NT5C2: variants seen among roughly 807,000 people sequenced by gnomAD.
NT5C2 encodes cytosolic purine 5'-nucleotidase.
A neutral mutation model predicts 76.1 loss-of-function variants in NT5C2; 58 were observed. That is an observed-to-expected ratio of 0.76 (90% confidence interval 0.62 to 0.95). The LOEUF (loss-of-function observed/expected upper bound fraction) is 0.95, where lower values mean the gene tolerates loss of function less well. NT5C2 is among the 40% of genes least tolerant of loss of function. The probability of loss-of-function intolerance (pLI) is 0.00; values close to 1 mark genes in which losing one functional copy is unlikely to be tolerated. For missense variants in NT5C2, 478 were observed against 690.3 expected, an observed-to-expected ratio of 0.69 and a Z score of 3.45; for synonymous variants, 229 against 237.4, an observed-to-expected ratio of 0.96 and a Z score of 0.32.
chr10:103,123,661 G>C (rs549597063), intron 4 of NT5C2, among the ~76,000 whole-genome samples: 104 of 152,274 alleles, frequency 6.8e-4, no homozygotes, highest in African/African-American at 2.4e-3. Flanking sequence ...GAAATGCGAA[G>C]GAGTGGACAC....
Position 103,101,327 on chromosome 10 carries a change from C to A in NT5C2, c.390-1G>T. 1 of 1,553,196 alleles carries A rather than the reference C, an allele frequency of 6.4e-7. No individual in the cohort carries two copies. The highest frequency in any genetic ancestry group is 8.8e-7 in the Non-Finnish European group (1 of 1,136,272). Reference sequence around the variant, plus strand: ...TGGATACTGTTCTCTAGTTTCTGGTCTGAAAGAAAAATTTAAAAATTAACT... The same window carrying A: ...TGGATACTGTTCTCTAGTTTCTGGTATGAAAGAAAAATTTAAAAATTAACT... On this transcript the variant is annotated splice_acceptor_variant, in intron 6 of 18. Transcript: ENST00000404739. LOFTEE classifies it high-confidence loss of function.
intron 4 of NT5C2, among the ~76,000 whole-genome samples, chr10:103,134,348 G>A (rs1442703652): frequency 1.3e-5 from 2 of 152,204 alleles, no homozygotes; most frequent in East Asian, 1.9e-4. Context: ...ACTTAGTGCC[G>A]AGTCCCAGCC....
intron 6 of NT5C2, among the ~76,000 whole-genome samples, 158 bp downstream of exon 6, chr10:103,105,548 A>G (rs2071017868): frequency 1.3e-5 from 2 of 152,206 alleles, no homozygotes; most frequent in South Asian, 4.1e-4. Context: ...TTGGGTTCCA[A>G]CTGCCTAATA....
At chr10:103,097,105 A>G (rs1471049559) in intron 11 of NT5C2, among the ~76,000 whole-genome samples, 186 bp downstream of exon 11, 1 of 152,188 alleles carries the variant, frequency 6.6e-6, no homozygotes, top group African/African-American at 2.4e-5. Context: ...AAAATGGTTA[A>G]AATAAATTTC....
Position 103,190,656 on chromosome 10 carries a change from C to A in NT5C2, c.-169+2580G>T, listed in dbSNP as rs544685685. On this transcript the variant is annotated intron_variant, in intron 1 of 18. Transcript: ENST00000404739. ...AGGTTGCATGATGTTAAGTAGCAAG[C>A]CAGACTACAAAATCCGGGCCCTTAA... Among the ~76,000 whole-genome samples the A allele has an allele frequency of 9.9e-5, 15 of 152,284 alleles. No individual in the cohort carries two copies. The South Asian group carries it at 3.1e-3, about 32-fold the overall frequency.
intron 4 of NT5C2, chr10:103,111,623 G>T: frequency 3.3e-6 from 2 of 610,022 alleles, no homozygotes; most frequent in Non-Finnish European, 4.8e-6. Context: ...GAATTCTCAT[G>T]CACTTTTTAC....
intron 4 of NT5C2, among the ~76,000 whole-genome samples, chr10:103,128,964 G>T (rs1313707761): frequency 9.2e-6 from 1 of 109,040 alleles, no homozygotes; most frequent in African/African-American, 3.4e-5. Context: ...CACCCCGTCC[G>T]GGAGGGAGGT....
At chr10:103,143,602 A>ATTTTTTTT (rs67395221) in intron 3 of NT5C2, among the ~76,000 whole-genome samples, 2 of 53,822 alleles carry the variant, frequency 3.7e-5, no homozygotes, top group South Asian at 7.0e-4. Context: ...ATGTCCAGCT[A>ATTTTTTTT]TTTTTTTTTT....
At chr10:103,096,845 CAAA>C (rs71019656) in intron 11 of NT5C2, among the ~76,000 whole-genome samples, 1 of 31,370 alleles carries the variant, frequency 3.2e-5, no homozygotes, top group African/African-American at 1.2e-4. Flanking sequence ...GACTCTGTCT[CAAA>C]AAAAAAAAAA....
intron 2 of NT5C2, among the ~76,000 whole-genome samples, chr10:103,180,950 T>C (rs1431051996): frequency 6.6e-6 from 1 of 152,096 alleles, no homozygotes; most frequent in African/African-American, 2.4e-5. Flanking sequence ...ACATAGTGTA[T>C]GATTCCGTAT....
chr10:103,153,403 C>A lies in NT5C2; in HGVS notation c.102-13924G>T, dbSNP rs200522815. On this transcript the variant is annotated intron_variant, in intron 3 of 18. Transcript: ENST00000404739. ...AGCTCATTTGTTAAAGCACAGAGAA[C>A]TCAGGCCCTGAGAGGCCCAACAAAT... The A allele has an allele frequency of 8.7e-6, 10 of 1,154,564 alleles. No homozygotes were observed. The East Asian group carries it at 8.6e-4, about 100-fold the overall frequency. 71.5% of individuals were successfully genotyped at this position (1,154,564 alleles called of 1,614,324 possible).
At chr10:103,124,023 G>C (rs2076213643) in intron 4 of NT5C2, among the ~76,000 whole-genome samples, 1 of 152,028 alleles carries the variant, frequency 6.6e-6, no homozygotes, top group Non-Finnish European at 1.5e-5. Flanking sequence ...GTCTTCCTTG[G>C]GGTTAAGACT....
At chr10:103,099,266 G>C (rs1001766899) in intron 9 of NT5C2, among the ~76,000 whole-genome samples, 1 of 152,088 alleles carries the variant, frequency 6.6e-6, no homozygotes, top group Non-Finnish European at 1.5e-5. Flanking sequence ...GTACAGACAG[G>C]GTTTTGTCAT....
intron 4 of NT5C2, among the ~76,000 whole-genome samples, chr10:103,128,221 A>ACGCGCCGC (rs1206611356): frequency 6.9e-6 from 1 of 144,514 alleles, no homozygotes; most frequent in Non-Finnish European, 1.5e-5. Context: ...CATTGCAGGC[A>ACGCGCCGC]CGCGCCGCCA....
chr10:103,126,985 GT>G (rs1036150509), intron 4 of NT5C2, among the ~76,000 whole-genome samples: 24 of 152,148 alleles, frequency 1.6e-4, no homozygotes, highest in African/African-American at 5.8e-4. Context: ...TTTCTGAGAA[GT>G]TTTTATAGAG....
At chr10:103,108,316 G>C (rs1229485840) in intron 4 of NT5C2, among the ~76,000 whole-genome samples, 1 of 152,038 alleles carries the variant, frequency 6.6e-6, no homozygotes, top group Admixed American at 6.5e-5. Flanking sequence ...GCCAAATGAG[G>C]CAAAAATATC....
chr10:103,145,868 A>C (rs1470902180), intron 3 of NT5C2, among the ~76,000 whole-genome samples: 2 of 152,240 alleles, frequency 1.3e-5, no homozygotes, highest in African/African-American at 4.8e-5. Context: ...CCATCCAAGT[A>C]AATATAAATA....
intron 3 of NT5C2, chr10:103,146,045 T>C (rs746801876): frequency 1.7e-5 from 17 of 985,328 alleles, no homozygotes; most frequent in African/African-American, 1.7e-5. Flanking sequence ...CTGTCACTGG[T>C]TGCCGTTTTG....
intron 4 of NT5C2, 53 bp from the exon 5 acceptor site, chr10:103,106,759 CAG>C: frequency 1.9e-6 from 2 of 1,056,524 alleles, no homozygotes; most frequent in Admixed American, 1.8e-5. Flanking sequence ...CCAATTAAAA[CAG>C]AATGCAAATG....
Sources: allele counts gnomAD v4.1 joint callset (sites outside exome capture counted in the v4.1 genomes callset), GRCh38; gene constraint gnomAD v4.1.1; transcripts MANE v1.5; gene names NCBI Gene and HGNC (gene_info 2026-07-23, HGNC 2026-07-21).